The following CHD1L variants were observed in gnomAD, a reference collection of about 807,000 sequenced individuals.
CHD1L encodes the protein chromodomain helicase DNA binding protein 1 like, also known as ATP-dependent chromatin remodeler CHD1L.
A neutral mutation model predicts 115.9 loss-of-function variants in CHD1L; 118 were observed. The ratio of observed to expected loss-of-function variants is 1.02; its 90% CI spans 0.88 to 1.19. CHD1L has a LOEUF of 1.19. Among genes scored for constraint, CHD1L ranks in the 50% most tolerant of loss-of-function variants. The pLI, the probability that CHD1L is intolerant of heterozygous loss-of-function variation, is 0.00. For synonymous variants in CHD1L, 411 were observed against 387.1 expected (o/e 1.06, Z -0.72); for missense variants, 1,179 against 1,065.3 (o/e 1.11, Z -1.49).
chr1:147,236,726 C>T, the CHD1L span, among the ~76,000 whole-genome samples: 1 of 152,156 alleles, frequency 6.6e-6, no homozygotes, highest in South Asian at 2.1e-4. Flanking sequence ...AGAGTAGACC[C>T]TGGGGTGGGT....
chr1:147,209,246 C>T, the CHD1L span, among the ~76,000 whole-genome samples: 499 of 152,030 alleles, frequency 3.3e-3, 3 homozygotes, highest in Non-Finnish European at 5.1e-3. Context: ...AGTGAAACCC[C>T]GTCTCTACTG....
chr1:147,233,953 A>C, the CHD1L span, among the ~76,000 whole-genome samples: 1 of 152,108 alleles, frequency 6.6e-6, no homozygotes, highest in Non-Finnish European at 1.5e-5. Flanking sequence ...GGACACAAAC[A>C]CTGCGGAAGG....
At chr1:147,240,371 C>G (rs1664741183), upstream of CHD1L, among the ~76,000 whole-genome samples, 1 of 152,208 alleles carries the variant, frequency 6.6e-6, no homozygotes, top group African/African-American at 2.4e-5. Context: ...CTCAAGTACC[C>G]AGAGACACAA....
Position 147,259,807 on chromosome 1 carries a change from A to C in CHD1L, c.495-30A>C, listed in dbSNP as rs781944302. 6 of 1,584,652 alleles carry C rather than the reference A, an allele frequency of 3.8e-6. No homozygotes were observed. The African/African-American group carries it at 8.1e-5, about 21-fold the overall frequency. ...TGTGAAATATGTGTTTAAATTACACAAAACTGAAAGCTTGGGTTTTCTCTC... is the reference window on the plus strand; with the variant it reads ...TGTGAAATATGTGTTTAAATTACACCAAACTGAAAGCTTGGGTTTTCTCTC... On this transcript the variant is annotated intron_variant, in intron 5 of 22. Coordinates refer to ENST00000369258, the MANE Select transcript of CHD1L (RefSeq NM_004284.6).
intron 4 of CHD1L, 72 bp downstream of exon 4, chr1:147,255,999 A>G: frequency 6.6e-6 from 7 of 1,056,844 alleles, no homozygotes; most frequent in Non-Finnish European, 9.6e-6. Context: ...TGCTGAAATT[A>G]TATTTAAGTT....
chr1:147,217,929 T>C, the CHD1L span, among the ~76,000 whole-genome samples: 1 of 152,180 alleles, frequency 6.6e-6, no homozygotes, highest in Non-Finnish European at 1.5e-5. Flanking sequence ...GCATCCACAA[T>C]GATAAATAGC....
intron 21 of CHD1L, 145 bp from the exon 22 acceptor site, chr1:147,294,264 C>T (rs1686714718): frequency 3.3e-6 from 1 of 307,000 alleles, no homozygotes. Context: ...ATTTTTCTTA[C>T]TACAATTCTT....
chr1:147,232,078 C>T, the CHD1L span, among the ~76,000 whole-genome samples: 25 of 152,302 alleles, frequency 1.6e-4, no homozygotes, highest in South Asian at 1.0e-3. Flanking sequence ...GGCTCCACCC[C>T]CCAGAGGCCA....
At chr1:147,175,155 T>C in the CHD1L span, 1 of 152,224 alleles carries the variant, frequency 6.6e-6, no homozygotes, top group Admixed American at 6.5e-5. Context: ...TGATGGTTAC[T>C]GTTTCAAAAA....
chr1:147,186,473 A>G, the CHD1L span: 1 of 964,632 alleles, frequency 1.0e-6, no homozygotes, highest in Non-Finnish European at 1.2e-6. Flanking sequence ...AAAAAAAACT[A>G]AAATTGAGCT....
chr1:147,266,084 C>T lies in CHD1L; in HGVS notation c.892C>T (p.Leu298=). Residue 298 remains leucine (L), a synonymous_variant, in exon 8 of 23, where the codon CTA becomes TTA. Transcript: ENST00000369258. ...CTACAAGGCCATTTTGATGAAAGAC[C>T]TAGGTAATCAGAGGGCACTTGTCCA... The part of the protein sequence containing the change: ...KYYKAILMKD[L]DAFENETAKK... 1.2e-6 allele frequency: 2 copies of T among 1,607,846 alleles called. No individual in the cohort carries two copies. The highest frequency in any genetic ancestry group is 1.7e-6 in the Non-Finnish European group (2 of 1,177,706).
upstream of CHD1L, among the ~76,000 whole-genome samples, chr1:147,238,382 A>C (rs1451043059): frequency 6.6e-6 from 1 of 152,236 alleles, no homozygotes; most frequent in East Asian, 1.9e-4. Context: ...TACAACAAAC[A>C]GCAAACATAA....
At chr1:147,184,147 C>T in the CHD1L span, among the ~76,000 whole-genome samples, 2 of 152,202 alleles carry the variant, frequency 1.3e-5, no homozygotes, top group South Asian at 4.1e-4. The surrounding 1 kb of genome is among the most constrained non-coding windows in gnomAD (Gnocchi z 4.4). Flanking sequence ...TTGTACTAGC[C>T]AGTATTCCTC....
the CHD1L span, among the ~76,000 whole-genome samples, chr1:147,232,904 C>G: frequency 6.6e-6 from 1 of 152,224 alleles, no homozygotes; most frequent in Non-Finnish European, 1.5e-5. Flanking sequence ...AAAGTGCAGC[C>G]TCTGCCTGGC....
At position 147,264,496 on chromosome 1, in the gene CHD1L, C is replaced by A; in HGVS notation, c.651C>A (p.Leu217=). Residue 217 remains leucine (L), a synonymous_variant, in exon 7 of 23, where the codon CTC becomes CTA. Transcript: ENST00000369258. ...GCCTCCAAGAGCTCTACTCCCTCCTCAGTTTTGTGGAGCCTGATCTCTTTT... is the reference window on the plus strand; with the variant it reads ...GCCTCCAAGAGCTCTACTCCCTCCTAAGTTTTGTGGAGCCTGATCTCTTTT... ...QNSLQELYSL[L]SFVEPDLFSK... The A allele has an allele frequency of 6.2e-7, 1 of 1,614,026 alleles. No individual in the cohort carries two copies.
chr1:147,272,939 C>A (rs587615165), intron 12 of CHD1L, among the ~76,000 whole-genome samples: 1 of 148,730 alleles, frequency 6.7e-6, no homozygotes, highest in East Asian at 2.0e-4. Flanking sequence ...GTGGCCCATG[C>A]CTGTAATCCC....
chr1:147,241,978 C>T (rs1553931160), upstream of CHD1L, among the ~76,000 whole-genome samples: 2 of 152,108 alleles, frequency 1.3e-5, no homozygotes, highest in African/African-American at 4.8e-5. Context: ...CCTTAGGACA[C>T]CACCCAGAAC....
At chr1:147,292,860 G>A (rs1313748858) in intron 20 of CHD1L, among the ~76,000 whole-genome samples, 7 of 152,220 alleles carry the variant, frequency 4.6e-5, no homozygotes, top group East Asian at 3.9e-4. Context: ...CTCCCACTAG[G>A]CCCCACCTCC....
At chr1:147,214,306 G>A in the CHD1L span, among the ~76,000 whole-genome samples, 11 of 151,958 alleles carry the variant, frequency 7.2e-5, no homozygotes, top group African/African-American at 2.7e-4. Context: ...ACAAAAATTA[G>A]TGGGTGTGGT....
Sources: allele counts gnomAD v4.1 joint callset (sites outside exome capture counted in the v4.1 genomes callset), GRCh38; gene constraint gnomAD v4.1.1; non-coding constraint Gnocchi (gnomAD v3.1); transcripts MANE v1.5; gene names NCBI Gene and HGNC (gene_info 2026-07-23, HGNC 2026-07-21).